TRIM36: variants seen among roughly 807,000 people sequenced by gnomAD.
The protein encoded by TRIM36 is E3 ubiquitin-protein ligase TRIM36.
A neutral mutation model predicts 72.4 loss-of-function variants in TRIM36; 42 were observed. The observed-to-expected ratio is 0.58, with a 90% CI of 0.45 to 0.75. The LOEUF is 0.75. Among genes scored for constraint, TRIM36 ranks in the 30% least tolerant of loss-of-function variants. The pLI, the probability that TRIM36 is intolerant of heterozygous loss-of-function variation, is 0.00. For missense variants in TRIM36, 913 were observed against 857.1 expected (o/e 1.07, Z -0.81); for synonymous variants, 315 against 282.8 (o/e 1.11, Z -1.14).
chr5:115,167,608 C>A lies in TRIM36; in HGVS notation c.27+2000G>T, dbSNP rs550629207. 2.6e-5 allele frequency among the ~76,000 whole-genome samples: 4 copies of A among 152,342 alleles called. No individual in the cohort carries two copies. In the South Asian group the frequency reaches 8.3e-4, roughly 32 times the overall value. ...CAAGTTCCTCATCTCCATCTGAGAC[C>A]ACCTTGGCCTGCACTTCTTTGTCCA... On this transcript the variant is annotated intron_variant, in intron 1 of 9. Coordinates refer to ENST00000513154, the MANE Select transcript of TRIM36 (RefSeq NM_001300759.2).
Position 115,130,831 on chromosome 5 carries a change from G to A in TRIM36, c.1557C>T (p.Asn519=). 6.2e-7 allele frequency: 1 copy of A among 1,614,062 alleles called. No individual in the cohort carries two copies. Among genetic ancestry groups the A allele is most frequent in the Non-Finnish European group, 8.5e-7 (1 of 1,180,010 alleles). The change falls in exon 9 of 10, where the codon AAC becomes AAT. Residue 519 remains asparagine, a synonymous_variant. Coordinates refer to ENST00000513154, the MANE Select transcript of TRIM36 (RefSeq NM_001300759.2). The part of the protein sequence containing the change: ...CGYNNEHLLL[N]LKRDRVESRA... ...TACTCTCTACACGGTCTCTCTTCAA[G>A]TTCAGCAGGAGGTGTTCATTATTAT...
At chr5:115,127,559 TTAAA>T (rs1241885490) in intron 9 of TRIM36, among the ~76,000 whole-genome samples, 3 of 152,224 alleles carry the variant, frequency 2.0e-5, no homozygotes, top group Non-Finnish European at 2.9e-5. Context: ...AGACCCTGTC[TTAAA>T]TAAATAAATT....
Position 115,126,692 on chromosome 5 carries a change from A to T in TRIM36, c.1962T>A (p.Ile654=). 9.9e-6 allele frequency: 16 copies of T among 1,614,182 alleles called. No individual in the cohort carries two copies. Among genetic ancestry groups the T allele is most frequent in the Non-Finnish European group, 1.4e-5 (16 of 1,180,026 alleles). Residue 654 remains isoleucine, a synonymous_variant, in exon 10 of 10, where the codon ATT becomes ATA. Transcript: ENST00000513154. ...ENRVLPMPTS[I]GIFLDCDKGK... is the part of the protein sequence containing the mutation. ...CTTTATCACAGTCAAGGAAAATCCCAATACTTGTTGGCATAGGGAGAACTC... is the reference window on the plus strand; with the variant it reads ...CTTTATCACAGTCAAGGAAAATCCCTATACTTGTTGGCATAGGGAGAACTC...
Position 115,163,538 on chromosome 5 carries a change from AT to A in TRIM36, c.241del (p.Ile81LeufsTer14). ...CATACCTGGTCTGTTAATTCGGTCAATTTTATCCATACTAGGGGAGGGGAGC... is the reference window on the plus strand; with the variant it reads ...CATACCTGGTCTGTTAATTCGGTCAATTTATCCATACTAGGGGAGGGGAGC... The part of the protein sequence containing the change: ...LRLPSPSMDK[I>X]DRINRPGWKR... On this transcript the variant is annotated frameshift_variant, in exon 2 of 10. Transcript: ENST00000513154. LOFTEE classifies it high-confidence loss of function. 1 of 1,614,150 alleles carries A rather than the reference AT, an allele frequency of 6.2e-7. No homozygotes were observed. The highest frequency in any genetic ancestry group is 8.5e-7 in the Non-Finnish European group (1 of 1,180,020).
chr5:115,146,295 AT>A (rs945914558), intron 3 of TRIM36, among the ~76,000 whole-genome samples: 3 of 152,252 alleles, frequency 2.0e-5, no homozygotes, highest in Non-Finnish European at 2.9e-5. Context: ...CACTTTTGAG[AT>A]TTTTTTCCCC....
intron 4 of TRIM36, among the ~76,000 whole-genome samples, chr5:115,144,245 T>G (rs1753452302): frequency 6.6e-6 from 1 of 152,052 alleles, no homozygotes; most frequent in Non-Finnish European, 1.5e-5. Flanking sequence ...AAGAATCAAG[T>G]GTCTTAAAAC....
upstream of TRIM36, among the ~76,000 whole-genome samples, chr5:115,172,452 T>C (rs1312672307): frequency 6.6e-6 from 1 of 152,188 alleles, no homozygotes; most frequent in Non-Finnish European, 1.5e-5. Flanking sequence ...ATTTCTAAAA[T>C]ATAATGTGTG....
intron 1 of TRIM36, among the ~76,000 whole-genome samples, chr5:115,164,972 T>C (rs1012461315): frequency 9.9e-5 from 15 of 152,184 alleles, no homozygotes; most frequent in African/African-American, 3.6e-4. Context: ...ACAGGTCCCA[T>C]GAAAGTCTGA....
Position 115,135,270 on chromosome 5 carries a change from A to T in TRIM36, c.1211-1123T>A, listed in dbSNP as rs185241091. On this transcript the variant is annotated intron_variant, in intron 7 of 9. Coordinates refer to ENST00000513154, the MANE Select transcript of TRIM36 (RefSeq NM_001300759.2). ...ATCACAGAGAAGGACATGAATAAGA[A>T]GCAGAAGTCTCTTTCCTCTCCTTAT... 8.1e-3 allele frequency among the ~76,000 whole-genome samples: 1,241 copies of T among 152,336 alleles called. 8 individuals are homozygous for T. Among genetic ancestry groups the T allele is most frequent in the South Asian group, 0.03 (145 of 4,808 alleles).
In TRIM36 at chr5:115,126,788, G is replaced by T; in HGVS notation, c.1866C>A (p.Thr622=). The change falls in exon 10 of 10, where the codon ACC becomes ACA. Residue 622 remains threonine, a synonymous_variant. Transcript: ENST00000513154. ...ATTTCTGCATGCCTATAGTAACTAA[G>T]GTAAATGGTTGTGAAGAATCAAAAC... ...DACFDSSQPF[T]LVTIGMQKFF... The T allele has an allele frequency of 3.7e-6, 6 of 1,614,110 alleles. No homozygotes were observed. The highest frequency in any genetic ancestry group is 5.1e-6 in the Non-Finnish European group (6 of 1,180,018).
In TRIM36 at chr5:115,147,203, G is replaced by A. The variant is rs1265270557; in HGVS notation, c.454C>T (p.Pro152Ser). Residue 152 changes from proline to serine, a missense_variant, in exon 3 of 10, where the codon CCT becomes TCT. Physicochemically the swap from Pro to Ser is moderately conservative, Grantham distance 74. Coordinates refer to ENST00000513154, the MANE Select transcript of TRIM36 (RefSeq NM_001300759.2). The part of the protein sequence containing the change: ...AIMCDLCKPP[P>S]QESTKSCMDC... Reference sequence around the variant, plus strand: ...ATGCAGCTTTTTGTGGATTCTTGAGGTGGTGGTTTACAAAGGTCACACATA... The same window carrying A: ...ATGCAGCTTTTTGTGGATTCTTGAGATGGTGGTTTACAAAGGTCACACATA... 6.2e-7 allele frequency: 1 copy of A among 1,614,170 alleles called. No individual in the cohort carries two copies. Among genetic ancestry groups the A allele is most frequent in the East Asian group, 2.2e-5 (1 of 44,882 alleles).
intron 1 of TRIM36, among the ~76,000 whole-genome samples, chr5:115,166,388 G>A (rs1197655653): frequency 1.3e-5 from 2 of 152,138 alleles, no homozygotes; most frequent in African/African-American, 2.4e-5. Flanking sequence ...CTCCACTGAG[G>A]ACTGCACACT....
rs781092379 is a variant in TRIM36, at chr5:115,163,544, T to C, written c.236A>G (p.Asp79Gly). The change falls in exon 2 of 10, where the codon GAT (aspartate) becomes GGT (glycine). Residue 79 changes from aspartate to glycine, a missense_variant. By Grantham distance (94) the Asp-to-Gly change is moderately conservative. Transcript: ENST00000513154. ...TGGTCTGTTAATTCGGTCAATTTTA[T>C]CCATACTAGGGGAGGGGAGCCGAAG... Reference protein sequence around the residue: ...PRLRLPSPSMDKIDRINRPGW... With the variant: ...PRLRLPSPSMGKIDRINRPGW... 1.9e-6 allele frequency: 3 copies of C among 1,614,194 alleles called. No individual in the cohort carries two copies. The highest frequency in any genetic ancestry group is 2.2e-5 in the East Asian group (1 of 44,876).
At chr5:115,175,110 T>C (rs1466250076) in intron 1 of TRIM36, among the ~76,000 whole-genome samples, 1 of 151,764 alleles carries the variant, frequency 6.6e-6, no homozygotes, top group Non-Finnish European at 1.5e-5. Context: ...AGATACATGA[T>C]AATTTTTTAG....
chr5:115,128,342 C>G (rs1752465225), intron 9 of TRIM36, among the ~76,000 whole-genome samples: 1 of 140,326 alleles, frequency 7.1e-6, no homozygotes, highest in South Asian at 2.4e-4. Context: ...GTACTCCAGC[C>G]TGGGCAACAA....
At chr5:115,148,181 A>C (rs1367697587) in intron 2 of TRIM36, among the ~76,000 whole-genome samples, 1 of 152,240 alleles carries the variant, frequency 6.6e-6, no homozygotes, top group Non-Finnish European at 1.5e-5. Context: ...AGAATCATTA[A>C]GATTACTTAA....
chr5:115,130,770 T>G lies in TRIM36; in HGVS notation c.1618A>C (p.Ile540Leu). 1.2e-6 allele frequency: 2 copies of G among 1,614,184 alleles called. No homozygotes were observed. The highest frequency in any genetic ancestry group is 1.7e-6 in the Non-Finnish European group (2 of 1,180,036). Residue 540 changes from isoleucine (I) to leucine (L), a missense_variant, in exon 9 of 10, where the codon ATC becomes CTC. Coordinates refer to ENST00000513154, the MANE Select transcript of TRIM36 (RefSeq NM_001300759.2). ...GFNLLLAAER[I>L]QVGYYTSLDY... ...AAGCTTGTGTAATAACCCACTTGGA[T>G]GCGTTCTGCAGCAAGCAGAAGATTA...
intron 2 of TRIM36, among the ~76,000 whole-genome samples, chr5:115,157,870 A>G (rs1754265478): frequency 6.6e-6 from 1 of 152,156 alleles, no homozygotes; most frequent in African/African-American, 2.4e-5. Context: ...GGAATGGAAA[A>G]CCAAACATCA....
At chr5:115,134,245 T>C (rs1752844712) in intron 7 of TRIM36, 98 bp from the exon 8 acceptor site, 3 of 1,066,544 alleles carry the variant, frequency 2.8e-6, no homozygotes, top group Non-Finnish European at 3.8e-6. Flanking sequence ...TATTTAATGA[T>C]TTCTATACTA....
Sources: allele counts gnomAD v4.1 joint callset (sites outside exome capture counted in the v4.1 genomes callset), GRCh38; gene constraint gnomAD v4.1.1; transcripts MANE v1.5; gene names NCBI Gene and HGNC (gene_info 2026-07-23, HGNC 2026-07-21).